Variants in HERC2 observed in about 807,000 individuals in gnomAD.
The protein encoded by HERC2 is E3 ubiquitin-protein ligase HERC2.
Under a neutral mutation model 537.7 loss-of-function variants are expected in HERC2, and 102 were observed. The ratio of observed to expected loss-of-function variants is 0.19; its 90% CI spans 0.16 to 0.22. HERC2 has a LOEUF of 0.22. Among genes scored for constraint, HERC2 ranks in the 10% least tolerant of loss-of-function variants. The probability of loss-of-function intolerance (pLI) is 1.00; values close to 1 mark genes in which losing one functional copy is unlikely to be tolerated. For synonymous variants in HERC2, 2,224 were observed against 2,466.2 expected (o/e 0.90, Z 2.91); for missense variants, 4,236 against 6,198.2 (o/e 0.68, Z 10.63).
intron 21 of HERC2, among the ~76,000 whole-genome samples, chr15:28,247,421 C>CTTTTT (rs71132843): frequency 2.1e-4 from 16 of 76,172 alleles, no homozygotes; most frequent in East Asian, 8.2e-4. Context: ...CTACATGGTT[C>CTTTTT]TTTTTTTTTT....
intron 15 of HERC2, among the ~76,000 whole-genome samples, chr15:28,261,212 A>C (rs575801053): frequency 6.6e-6 from 1 of 152,304 alleles, no homozygotes; most frequent in African/African-American, 2.4e-5. Flanking sequence ...GGATACAAAA[A>C]GGATCTGTTT....
chr15:28,144,764 T>A lies in HERC2; in HGVS notation c.11049A>T (p.Pro3683=), dbSNP rs774972148. The part of the protein sequence containing the change: ...WSDWSSELRI[P]GDELKWKFIS... ...TGAACTTCCACTTTAACTCATCCCC[T>A]GGGATGCGCAGCTCGCTGGACCAGT... The change falls in exon 72 of 93, where the codon CCA becomes CCT. Residue 3683 remains proline, a synonymous_variant. Coordinates refer to ENST00000261609, the MANE Select transcript of HERC2 (RefSeq NM_004667.6). The A allele has an allele frequency of 3.1e-6, 5 of 1,614,176 alleles. No homozygotes were observed. The highest frequency in any genetic ancestry group is 4.2e-6 in the Non-Finnish European group (5 of 1,180,016).
At chr15:28,299,588 G>C in intron 2 of HERC2, 72 bp from the exon 3 acceptor site, 1 of 769,222 alleles carries the variant, frequency 1.3e-6, no homozygotes, top group Non-Finnish European at 2.3e-6. Flanking sequence ...AATGATATGG[G>C]AAAAAAATCT....
At chr15:28,146,117 TCCCTTCCTTAA>T (rs2142280970) in intron 71 of HERC2, 109 bp downstream of exon 71, 1 of 697,480 alleles carries the variant, frequency 1.4e-6, no homozygotes, top group African/African-American at 1.8e-5. Context: ...TAGCATATTG[TCCCTTCCTTAA>T]GACTTCCATG....
intron 85 of HERC2, among the ~76,000 whole-genome samples, chr15:28,123,725 G>A (rs1024360001): frequency 2.6e-5 from 4 of 152,206 alleles, no homozygotes; most frequent in Non-Finnish European, 5.9e-5. Flanking sequence ...GAGAAGGACC[G>A]CAGGAACAAA....
rs1369021908 is a variant in HERC2 at position 28,111,510 on chromosome 15, C to G, written c.*253G>C. On this transcript the variant is annotated 3_prime_UTR_variant, in exon 93 of 93. Transcript: ENST00000261609. ...AAACATTTACACACTTTAGTAAACACAGTCCTACATGTAATGCAGCATTAC... is the reference window on the plus strand; with the variant it reads ...AAACATTTACACACTTTAGTAAACAGAGTCCTACATGTAATGCAGCATTAC... The G allele has an allele frequency of 2.0e-6, 1 of 512,072 alleles. No homozygotes were observed. Among genetic ancestry groups the G allele is most frequent in the Non-Finnish European group, 3.4e-6 (1 of 291,416 alleles). The allele number at this position is 512,072 out of a possible 1,614,324, so 31.7% of individuals were successfully genotyped here. A position where few individuals can be genotyped will look rare whatever the true frequency, so the allele number is the denominator to read the frequency against.
chr15:28,174,623 G>T lies in HERC2; in HGVS notation c.9832-3C>A, dbSNP rs763383101. Reference sequence around the variant, plus strand: ...TCGTTGTCACCCCAAGCATACACCTGTTTACGAGGAGAAAAAAGCTTATAA... The same window carrying T: ...TCGTTGTCACCCCAAGCATACACCTTTTTACGAGGAGAAAAAAGCTTATAA... On this transcript the variant is annotated splice_polypyrimidine_tract_variant and splice_region_variant and intron_variant, in intron 64 of 92. Coordinates refer to ENST00000261609, the MANE Select transcript of HERC2 (RefSeq NM_004667.6). 2 of 1,560,568 alleles carry T rather than the reference G, an allele frequency of 1.3e-6. No homozygotes were observed. The highest frequency in any genetic ancestry group is 2.3e-5 in the South Asian group (2 of 86,986).
chr15:28,318,237 A>G (rs1489125243), intron 2 of HERC2, among the ~76,000 whole-genome samples: 1 of 152,206 alleles, frequency 6.6e-6, no homozygotes, highest in Non-Finnish European at 1.5e-5. Context: ...ATAAAAAGTG[A>G]TGTGACTGAC....
chr15:28,304,164 T>TAA (rs2076713060), intron 2 of HERC2, among the ~76,000 whole-genome samples: 1 of 23,760 alleles, frequency 4.2e-5, no homozygotes, highest in Non-Finnish European at 6.0e-5. Flanking sequence ...AGACTCCATC[T>TAA]CAAAAAAAAA....
Position 28,229,866 on chromosome 15 carries a change from T to C in HERC2, c.4810-19A>G. 1.1e-6 allele frequency: 1 copy of C among 889,492 alleles called. No individual in the cohort carries two copies. Among genetic ancestry groups the C allele is most frequent in the Non-Finnish European group, 1.9e-6 (1 of 534,604 alleles). 55.1% of individuals were successfully genotyped at this position (889,492 alleles called of 1,614,324 possible). On this transcript the variant is annotated intron_variant, in intron 31 of 92. Transcript: ENST00000261609. ...ATTTGTCCTAACAAAGGAAAACAAT[T>C]TTCATCATTAGTCTACCCTATTTAA...
At chr15:28,149,317 A>C (rs1216519117) in intron 70 of HERC2, among the ~76,000 whole-genome samples, 7 of 148,566 alleles carry the variant, frequency 4.7e-5, no homozygotes, top group Non-Finnish European at 4.5e-5. Context: ...ACATCACCGA[A>C]AATGGCCACA....
chr15:28,237,895 C>G (rs1385677118), intron 25 of HERC2, among the ~76,000 whole-genome samples: 1 of 152,160 alleles, frequency 6.6e-6, no homozygotes, highest in South Asian at 2.1e-4. Flanking sequence ...ACAAATTGAT[C>G]ATTTAAAAAA....
Position 28,122,824 on chromosome 15 carries a change from C to T in HERC2, c.13188+1213G>A, listed in dbSNP as rs992758424. Among the ~76,000 whole-genome samples the T allele has an allele frequency of 5.9e-5, 9 of 151,986 alleles. No individual in the cohort carries two copies. The highest frequency in any genetic ancestry group is 1.2e-4 in the African/African-American group (5 of 41,398). On this transcript the variant is annotated intron_variant, in intron 85 of 92. Coordinates refer to ENST00000261609, the MANE Select transcript of HERC2 (RefSeq NM_004667.6). This position sits in a 1 kb window ranked among gnomAD's most constrained non-coding sequence, Gnocchi z 4.1. ...GCAGGTGCCAGATGCTGCTGCCCAC[C>T]GCTCCCCTACCACACACCAGCTCCC...
intron 3 of HERC2, among the ~76,000 whole-genome samples, chr15:28,295,308 T>TGTG (rs1218567907): frequency 5.0e-5 from 4 of 79,682 alleles, no homozygotes; most frequent in African/African-American, 1.9e-4. Context: ...TACATGTGTG[T>TGTG]GGGGGGGGGG....
chr15:28,177,825 AAAAT>A lies in HERC2; in HGVS notation c.9164-320_9164-317del, dbSNP rs749074909. Among the ~76,000 whole-genome samples the A allele has an allele frequency of 7.2e-5, 11 of 152,362 alleles. No individual in the cohort carries two copies. Among genetic ancestry groups the A allele is most frequent in the Non-Finnish European group, 1.2e-4 (8 of 68,032 alleles). On this transcript the variant is annotated intron_variant, in intron 59 of 92. Coordinates refer to ENST00000261609, the MANE Select transcript of HERC2 (RefSeq NM_004667.6). The surrounding 1 kb of genome is among the most constrained non-coding windows in gnomAD (Gnocchi z 5.0). ...AATCAAAATTTAGATGAAAAAAGTAAAAATAATTTGTGATTAGACAAAATGTAAA... is the reference window on the plus strand; with the variant it reads ...AATCAAAATTTAGATGAAAAAAGTAAAATTTGTGATTAGACAAAATGTAAA...
chr15:28,168,066 C>T (rs978374397), intron 67 of HERC2, among the ~76,000 whole-genome samples: 7 of 152,162 alleles, frequency 4.6e-5, no homozygotes, highest in Non-Finnish European at 5.9e-5. Flanking sequence ...TTAATATTCA[C>T]AGCAGGTCAC....
intron 83 of HERC2, among the ~76,000 whole-genome samples, chr15:28,126,915 T>C (rs1889557810): frequency 1.3e-5 from 2 of 152,264 alleles, no homozygotes; most frequent in African/African-American, 4.8e-5. Context: ...TTTCTGTTCA[T>C]ATCCTAAACA....
At chr15:28,287,179 A>G (rs923608301) in intron 4 of HERC2, among the ~76,000 whole-genome samples, 5 of 152,240 alleles carry the variant, frequency 3.3e-5, no homozygotes, top group South Asian at 2.1e-4. Context: ...CTAAATTCCT[A>G]TGGCTCAAAT....
chr15:28,232,349 T>A (rs553647890), intron 30 of HERC2, among the ~76,000 whole-genome samples: 8 of 152,250 alleles, frequency 5.3e-5, no homozygotes, highest in Admixed American at 5.2e-4. Flanking sequence ...AAGACCATCT[T>A]GGCCAACATG....
Sources: allele counts gnomAD v4.1 joint callset (sites outside exome capture counted in the v4.1 genomes callset), GRCh38; gene constraint gnomAD v4.1.1; non-coding constraint Gnocchi (gnomAD v3.1); transcripts MANE v1.5; gene names NCBI Gene and HGNC (gene_info 2026-07-23, HGNC 2026-07-21).